The following SLCO3A1 variants were observed in gnomAD, a reference collection of about 807,000 sequenced individuals.
The protein encoded by SLCO3A1 is PGE1 transporter.
Under a neutral mutation model 63.1 loss-of-function variants are expected in SLCO3A1, and 27 were observed. That is an observed-to-expected ratio of 0.43 (90% CI 0.32 to 0.59). The LOEUF (loss-of-function observed/expected upper bound fraction) is 0.59, where lower values mean the gene tolerates loss of function less well. SLCO3A1 is among the 20% of genes least tolerant of loss of function. The probability of loss-of-function intolerance (pLI) is 0.09; values close to 1 mark genes in which losing one functional copy is unlikely to be tolerated. For missense variants in SLCO3A1, 773 were observed against 945.8 expected, an observed-to-expected ratio of 0.82 and a Z score of 2.40; for synonymous variants, 473 against 409.9, an observed-to-expected ratio of 1.15 and a Z score of -1.86.
intron 2 of SLCO3A1, among the ~76,000 whole-genome samples, chr15:92,038,226 T>C (rs1294767690): frequency 1.3e-5 from 2 of 152,164 alleles, no homozygotes; most frequent in Non-Finnish European, 2.9e-5. Flanking sequence ...ACCTTGCTGG[T>C]TGGCCAGGAG....
At chr15:91,970,160 G>A (rs1900807300) in intron 2 of SLCO3A1, among the ~76,000 whole-genome samples, 2 of 152,182 alleles carry the variant, frequency 1.3e-5, no homozygotes, top group Admixed American at 6.5e-5. Context: ...TTCTCCCCAC[G>A]CTGTTCAAAA....
At chr15:92,059,706 G>C (rs1039977222) in intron 2 of SLCO3A1, among the ~76,000 whole-genome samples, 1 of 152,098 alleles carries the variant, frequency 6.6e-6, no homozygotes, top group African/African-American at 2.4e-5. Flanking sequence ...ATCGATGCAG[G>C]GGTCTCTACA....
chr15:92,152,504 G>A (rs552348256), intron 9 of SLCO3A1, among the ~76,000 whole-genome samples: 6 of 152,320 alleles, frequency 3.9e-5, no homozygotes, highest in Admixed American at 2.0e-4. Flanking sequence ...AACAAGTTCA[G>A]CGCTAATTCA....
At chr15:92,120,712 G>A (rs550025685) in intron 5 of SLCO3A1, 83 bp downstream of exon 5, 19 of 1,202,736 alleles carry the variant, frequency 1.6e-5, no homozygotes, top group Middle Eastern at 4.6e-4. Context: ...GAGCCCTGCT[G>A]AAGAACCCCA....
Position 91,862,057 on chromosome 15 carries a change from T to C in SLCO3A1, c.180+7969T>C, listed in dbSNP as rs1463576265. On this transcript the variant is annotated intron_variant, in intron 1 of 9. Coordinates refer to ENST00000318445, the MANE Select transcript of SLCO3A1 (RefSeq NM_013272.4). This position sits in a 1 kb window ranked among gnomAD's most constrained non-coding sequence, Gnocchi z 4.0. ...TACCCCTGCCATGACTTTTCAGTAC[T>C]CTCCTTTTCATGGACGTAATAGTCC... is the stretch of plus-strand genomic sequence containing the variant. Among the ~76,000 whole-genome samples, 3 of 152,170 alleles carry C rather than the reference T, an allele frequency of 2.0e-5. No homozygotes were observed. The highest frequency in any genetic ancestry group is 7.2e-5 in the African/African-American group (3 of 41,440).
intron 7 of SLCO3A1, among the ~76,000 whole-genome samples, chr15:92,136,257 T>C (rs1200535362): frequency 6.6e-6 from 1 of 152,214 alleles, no homozygotes; most frequent in Non-Finnish European, 1.5e-5. Context: ...TACAATCCTC[T>C]TAGAAAAATA....
At chr15:92,095,804 G>A (rs540444896) in intron 3 of SLCO3A1, among the ~76,000 whole-genome samples, 6 of 152,238 alleles carry the variant, frequency 3.9e-5, no homozygotes, top group African/African-American at 1.2e-4. Flanking sequence ...AGCCCCCCAG[G>A]CCCAGGCCCA....
At chr15:92,045,235 A>C (rs1597253690) in intron 2 of SLCO3A1, among the ~76,000 whole-genome samples, 1 of 150,044 alleles carries the variant, frequency 6.7e-6, no homozygotes, top group Non-Finnish European at 1.5e-5. Flanking sequence ...AGTTGAGATC[A>C]CACTGTCGCA....
At chr15:92,134,756 TA>T (rs984699708) in intron 7 of SLCO3A1, among the ~76,000 whole-genome samples, 3 of 152,218 alleles carry the variant, frequency 2.0e-5, no homozygotes, top group African/African-American at 7.2e-5. Context: ...CAGATTTTTT[TA>T]ATTTAAAAAA....
rs951834631 is a variant in SLCO3A1, at chr15:91,886,478, A to G, written c.181-29515A>G. Among the ~76,000 whole-genome samples the G allele has an allele frequency of 6.6e-6, 1 of 152,158 alleles. No individual in the cohort carries two copies. The highest frequency in any genetic ancestry group is 1.9e-4 in the East Asian group (1 of 5,180). Reference sequence around the variant, plus strand: ...AAGTCCTCAGCAGTGCTCCATGCCTAGAAGGCCCCAGTGAGCATTGACTTG... The same window carrying G: ...AAGTCCTCAGCAGTGCTCCATGCCTGGAAGGCCCCAGTGAGCATTGACTTG... On this transcript the variant is annotated intron_variant, in intron 1 of 9. Transcript: ENST00000318445. This position sits in a 1 kb window ranked among gnomAD's most constrained non-coding sequence, Gnocchi z 4.9.
rs550832651 is a variant in SLCO3A1, at chr15:91,862,480, A to T, written c.180+8392A>T. On this transcript the variant is annotated intron_variant, in intron 1 of 9. Transcript: ENST00000318445. This position sits in a 1 kb window ranked among gnomAD's most constrained non-coding sequence, Gnocchi z 4.0. ...GGGAACAGGCTGTGCCCATAAACCCATCCCATAGGCAGTGATGGGACTACC... is the reference window on the plus strand; with the variant it reads ...GGGAACAGGCTGTGCCCATAAACCCTTCCCATAGGCAGTGATGGGACTACC... 3.3e-5 allele frequency among the ~76,000 whole-genome samples: 5 copies of T among 152,260 alleles called. No individual in the cohort carries two copies. The Middle Eastern group carries it at 0.01, about 313-fold the overall frequency.
In SLCO3A1 at chr15:92,165,853, G is replaced by A. The variant is rs555973343; in HGVS notation, c.*2718G>A. The A allele has an allele frequency of 3.1e-5, 31 of 985,128 alleles. No homozygotes were observed. The highest frequency in any genetic ancestry group is 3.6e-5 in the Non-Finnish European group (30 of 829,836). 61.0% of individuals were successfully genotyped at this position (985,128 alleles called of 1,614,324 possible). A position where few individuals can be genotyped will look rare whatever the true frequency, so the allele number is the denominator to read the frequency against. The stretch of plus-strand genomic sequence containing the variant: ...GAAAAGATTTCCTGGTAAGATCATT[G>A]GATTTACAGAATACAAAAATGTACG... On this transcript the variant is annotated 3_prime_UTR_variant, in exon 10 of 10. Coordinates refer to ENST00000318445, the MANE Select transcript of SLCO3A1 (RefSeq NM_013272.4).
chr15:91,980,876 C>T (rs1030632108), intron 2 of SLCO3A1, among the ~76,000 whole-genome samples: 11 of 152,304 alleles, frequency 7.2e-5, no homozygotes, highest in African/African-American at 2.4e-4. Context: ...ATGCTGAAGA[C>T]GGAGGTGCTT....
intron 2 of SLCO3A1, among the ~76,000 whole-genome samples, chr15:92,068,347 A>G (rs1347931697): frequency 6.8e-6 from 1 of 147,866 alleles, no homozygotes; most frequent in Non-Finnish European, 1.5e-5. Context: ...CCACTTTCAG[A>G]GATGAATCAG....
chr15:91,912,374 A>G lies in SLCO3A1; in HGVS notation c.181-3619A>G, dbSNP rs72750089. Among the ~76,000 whole-genome samples the G allele has an allele frequency of 2.6e-5, 4 of 152,328 alleles. No individual in the cohort carries two copies. In the East Asian group the frequency reaches 7.7e-4, roughly 29 times the overall value. ...TCCCAGACTGGCATTGCAGCCCAGC[A>G]GAAGGCCACAGGTCAAGGAGGGAAA... On this transcript the variant is annotated intron_variant, in intron 1 of 9. Transcript: ENST00000318445. The surrounding 1 kb of genome is among the most constrained non-coding windows in gnomAD (Gnocchi z 5.0).
At chr15:92,167,866 A>C (rs749129457), downstream of SLCO3A1, among the ~76,000 whole-genome samples, 3 of 152,256 alleles carry the variant, frequency 2.0e-5, no homozygotes, top group Non-Finnish European at 4.4e-5. Flanking sequence ...CCTGTCCCTT[A>C]GAAACCTGTG....
intron 4 of SLCO3A1, among the ~76,000 whole-genome samples, chr15:92,112,346 G>C (rs752313277): frequency 3.3e-5 from 5 of 152,234 alleles, no homozygotes; most frequent in Admixed American, 6.5e-5. Flanking sequence ...GTGAAATTAT[G>C]AATGAGTTAT....
In SLCO3A1 at chr15:91,856,272, C is replaced by G. The variant is rs1248433684; in HGVS notation, c.180+2184C>G. On this transcript the variant is annotated intron_variant, in intron 1 of 9. Transcript: ENST00000318445. The surrounding 1 kb of genome is among the most constrained non-coding windows in gnomAD (Gnocchi z 4.9). ...GACTTGCAGAAAGCAGCTGGAGGCCCAGGAGAGGACAGGCCTAGGAAATTG... is the reference window on the plus strand; with the variant it reads ...GACTTGCAGAAAGCAGCTGGAGGCCGAGGAGAGGACAGGCCTAGGAAATTG... Among the ~76,000 whole-genome samples the G allele has an allele frequency of 6.6e-6, 1 of 152,008 alleles. No individual in the cohort carries two copies. Among genetic ancestry groups the G allele is most frequent in the South Asian group, 2.1e-4 (1 of 4,818 alleles).
rs148640495 is a variant in SLCO3A1, at chr15:92,088,306, G to T, written c.647-6575G>T. Among the ~76,000 whole-genome samples, 4 of 152,296 alleles carry T rather than the reference G, an allele frequency of 2.6e-5. No homozygotes were observed. The East Asian group carries it at 7.7e-4, about 29-fold the overall frequency. ...CCTGAGGGGCTTAGCATCTACAACA[G>T]TGTCTCTTGGACTGTGCTGCAGTCA... is the stretch of plus-strand genomic sequence containing the variant. On this transcript the variant is annotated intron_variant, in intron 2 of 9. Transcript: ENST00000318445.
Sources: gnomAD v4.1 joint callset for allele counts (sites outside exome capture counted in the v4.1 genomes callset) on GRCh38, gnomAD v4.1.1 for gene constraint, Gnocchi (gnomAD v3.1) non-coding constraint, MANE v1.5 for transcripts, NCBI Gene and HGNC (gene_info 2026-07-23, HGNC 2026-07-21) for gene names.